Variants in SERGEF observed in about 807,000 individuals in gnomAD.
SERGEF encodes secretion regulating guanine nucleotide exchange factor, also known as secretion-regulating guanine nucleotide exchange factor.
Under a neutral mutation model 50.0 loss-of-function variants are expected in SERGEF, and 51 were observed. The ratio of observed to expected loss-of-function variants is 1.02; its 90% CI spans 0.81 to 1.29. The LOEUF (loss-of-function observed/expected upper bound fraction) is 1.29. Ranked by LOEUF, SERGEF falls within the 50% of genes most tolerant of loss-of-function variation. SERGEF has a pLI of 0.00. For synonymous variants in SERGEF, 205 were observed against 212.4 expected (o/e 0.97, Z 0.30); for missense variants, 521 against 557.0 (o/e 0.94, Z 0.65).
At chr11:17,898,634 C>T (rs1487314487) in intron 9 of SERGEF, among the ~76,000 whole-genome samples, 1 of 152,102 alleles carries the variant, frequency 6.6e-6, no homozygotes, top group Non-Finnish European at 1.5e-5. Context: ...GGTAGGAAAA[C>T]GTTTTTCCCC....
intron 6 of SERGEF, among the ~76,000 whole-genome samples, chr11:17,994,557 C>T (rs1565225807): frequency 6.7e-6 from 1 of 149,226 alleles, no homozygotes; most frequent in East Asian, 2.0e-4. Context: ...GCAGAGGTAA[C>T]AGTTTTCCCA....
chr11:17,799,635 G>A (rs3802970), intron 10 of SERGEF, among the ~76,000 whole-genome samples: 95,030 of 151,994 alleles, frequency 0.63, 30,209 homozygotes, highest in Middle Eastern at 0.77. Flanking sequence ...CTAGGGAATT[G>A]GGGCAATAGT....
At chr11:17,912,119 A>C (rs1851966538) in intron 9 of SERGEF, among the ~76,000 whole-genome samples, 1 of 152,206 alleles carries the variant, frequency 6.6e-6, no homozygotes, top group African/African-American at 2.4e-5. Flanking sequence ...CAGAGAGAAG[A>C]GCAGGGGCTA....
chr11:17,939,692 C>A (rs1412326551), intron 9 of SERGEF: 1 of 152,352 alleles, frequency 6.6e-6, no homozygotes, highest in African/African-American at 2.4e-5. Flanking sequence ...AAAGGGAGAG[C>A]CAATGAGCCA....
At chr11:18,004,761 G>A (rs959394535) in intron 3 of SERGEF, among the ~76,000 whole-genome samples, 4 of 152,204 alleles carry the variant, frequency 2.6e-5, no homozygotes. Flanking sequence ...CAGATTATCT[G>A]TGTAGAACAC....
At chr11:17,968,489 C>T (rs904743224) in intron 8 of SERGEF, among the ~76,000 whole-genome samples, 1 of 152,042 alleles carries the variant, frequency 6.6e-6, no homozygotes, top group African/African-American at 2.4e-5. Flanking sequence ...TGAGTTTGAT[C>T]GCTTGAGTTT....
At chr11:17,940,042 A>C (rs933152784) in intron 9 of SERGEF, among the ~76,000 whole-genome samples, 6 of 152,224 alleles carry the variant, frequency 3.9e-5, no homozygotes, top group African/African-American at 1.4e-4. Flanking sequence ...AAACCTTTCT[A>C]ATAAAACAGG....
intron 10 of SERGEF, among the ~76,000 whole-genome samples, chr11:17,824,822 A>G (rs1263803054): frequency 6.6e-6 from 1 of 152,142 alleles, no homozygotes; most frequent in Non-Finnish European, 1.5e-5. Flanking sequence ...CTCCTTAAAT[A>G]CCTTATCTCC....
intron 10 of SERGEF, 146 bp from the exon 11 acceptor site, chr11:17,788,559 TC>T (rs1849427243): frequency 3.2e-6 from 2 of 634,774 alleles, no homozygotes; most frequent in South Asian, 5.5e-5. Flanking sequence ...ATCCTCCCCA[TC>T]CCTACTTCCT....
intron 9 of SERGEF, 64 bp downstream of exon 9, chr11:17,959,406 G>T: frequency 1.4e-6 from 2 of 1,480,072 alleles, no homozygotes; most frequent in Non-Finnish European, 1.9e-6. Context: ...TAGGCCCTCA[G>T]TAAATGATTC....
At chr11:17,942,900 A>T (rs1280005098) in intron 9 of SERGEF, among the ~76,000 whole-genome samples, 1 of 152,122 alleles carries the variant, frequency 6.6e-6, no homozygotes, top group East Asian at 1.9e-4. Context: ...TGATGAATTA[A>T]ATTGATTTTC....
intron 5 of SERGEF, chr11:17,999,556 A>G (rs1853915306): frequency 6.6e-6 from 3 of 456,216 alleles, no homozygotes; most frequent in Non-Finnish European, 1.3e-5. Flanking sequence ...CAGCTGCCAC[A>G]GCCAATTAGT....
At chr11:18,002,099 T>C (rs1465269030) in intron 4 of SERGEF, 1 of 449,992 alleles carries the variant, frequency 2.2e-6, no homozygotes, top group Non-Finnish European at 4.4e-6. Flanking sequence ...TACGAGAAGA[T>C]CAAATCTTAG....
intron 9 of SERGEF, among the ~76,000 whole-genome samples, chr11:17,904,434 A>T (rs1378187281): frequency 6.6e-6 from 1 of 152,242 alleles, no homozygotes; most frequent in African/African-American, 2.4e-5. Flanking sequence ...GCATTCGACT[A>T]TAGCCACAGG....
At chr11:17,843,876 A>G (rs1436631551) in intron 10 of SERGEF, among the ~76,000 whole-genome samples, 1 of 152,234 alleles carries the variant, frequency 6.6e-6, no homozygotes, top group African/African-American at 2.4e-5. Context: ...AAGGATCCTA[A>G]AACATCAGAA....
intron 10 of SERGEF, among the ~76,000 whole-genome samples, chr11:17,839,845 C>A (rs967586580): frequency 2.6e-5 from 4 of 152,174 alleles, no homozygotes; most frequent in Admixed American, 1.3e-4. Flanking sequence ...ATTTTATAGA[C>A]TAGAAGAGGG....
At chr11:17,968,203 T>C (rs1302249057) in intron 8 of SERGEF, among the ~76,000 whole-genome samples, 1 of 152,214 alleles carries the variant, frequency 6.6e-6, no homozygotes, top group African/African-American at 2.4e-5. Context: ...CAGTAGGAAT[T>C]GTAGGTATTG....
At chr11:17,870,264 A>G (rs1051470505) in intron 10 of SERGEF, among the ~76,000 whole-genome samples, 7 of 152,220 alleles carry the variant, frequency 4.6e-5, no homozygotes, top group Non-Finnish European at 7.3e-5. Flanking sequence ...GCAGTTATTT[A>G]CAGCAGTATG....
chr11:17,992,790 C>T (rs536392775), intron 7 of SERGEF, 141 bp downstream of exon 7: 6 of 695,912 alleles, frequency 8.6e-6, no homozygotes, highest in South Asian at 5.6e-5. Flanking sequence ...AAGTAATTTG[C>T]CTAAGAGCAT....
Sources: allele counts gnomAD v4.1 joint callset (sites outside exome capture counted in the v4.1 genomes callset), GRCh38; gene constraint gnomAD v4.1.1; transcripts MANE v1.5; gene names NCBI Gene and HGNC (gene_info 2026-07-23, HGNC 2026-07-21).